Variants in EDN3 observed in about 807,000 individuals in gnomAD.
The protein encoded by EDN3 is endothelin 3, also known as endothelin-3.
In EDN3, 9 loss-of-function variants were observed where a neutral mutation model predicts 21.4. The observed-to-expected ratio is 0.42, with a 90% CI of 0.25 to 0.73. EDN3 has a LOEUF of 0.73. Among genes scored for constraint, EDN3 ranks in the 30% least tolerant of loss-of-function variants. The pLI, the probability that EDN3 is intolerant of heterozygous loss-of-function variation, is 0.26. For missense variants in EDN3, 327 were observed against 309.4 expected, an observed-to-expected ratio of 1.06 and a Z score of -0.43; for synonymous variants, 133 against 126.2, an observed-to-expected ratio of 1.05 and a Z score of -0.36.
At chr20:59,316,767 ACT>A (rs1483445121) in intron 2 of EDN3, among the ~76,000 whole-genome samples, 1 of 152,158 alleles carries the variant, frequency 6.6e-6, no homozygotes, top group Non-Finnish European at 1.5e-5. Flanking sequence ...GATAAAAAAG[ACT>A]CTGTTGTCAC....
chr20:59,318,410 T>C (rs1304251223), intron 2 of EDN3, among the ~76,000 whole-genome samples: 1 of 152,250 alleles, frequency 6.6e-6, no homozygotes, highest in Non-Finnish European at 1.5e-5. Flanking sequence ...ATACAGGAGA[T>C]AACACTTTTT....
At chr20:59,315,885 T>C (rs547762732) in intron 2 of EDN3, among the ~76,000 whole-genome samples, 1 of 152,316 alleles carries the variant, frequency 6.6e-6, no homozygotes, top group East Asian at 1.9e-4. Flanking sequence ...GGGATGTTTA[T>C]GTGAAATTTC....
chr20:59,323,251 G>A (rs1018791041), intron 4 of EDN3, among the ~76,000 whole-genome samples: 2 of 152,122 alleles, frequency 1.3e-5, no homozygotes, highest in Admixed American at 6.5e-5. Context: ...GGGCCGAGGC[G>A]GAAGAGACAG....
rs761106361 is a variant in EDN3, at chr20:59,324,413, C to A, written c.671C>A (p.Ala224Asp). The part of the protein sequence containing the change: ...KLMPGSGLAL[A>D]PSTCPRCLFQ... The stretch of plus-strand genomic sequence containing the variant: ...ATGCCCGGCAGTGGACTCGCCCTCG[C>A]TCCATCTACCTGCCCCCGCTGCCTC... The change falls in exon 5 of 5, where the codon GCT becomes GAT. Residue 224 changes from alanine to aspartate, a missense_variant. Ala to Asp is a moderately radical substitution (Grantham distance 126). Transcript: ENST00000337938. The A allele has an allele frequency of 6.2e-7, 1 of 1,614,212 alleles. No homozygotes were observed. Among genetic ancestry groups the A allele is most frequent in the Admixed American group, 1.7e-5 (1 of 60,028 alleles).
rs1452520706 is a variant in EDN3 at position 59,322,746 on chromosome 20, A to C, written c.588+329A>C. The stretch of plus-strand genomic sequence containing the variant: ...TCACCTGGCCTGGACAAAGCTAGTC[A>C]ACCACCGCTCTCAGAGGCCCTGTAG... On this transcript the variant is annotated intron_variant, in intron 4 of 4. Coordinates refer to ENST00000337938, the MANE Select transcript of EDN3 (RefSeq NM_207034.3). This position sits in a 1 kb window ranked among gnomAD's most constrained non-coding sequence, Gnocchi z 4.1. 6.6e-6 allele frequency among the ~76,000 whole-genome samples: 1 copy of C among 152,106 alleles called. No homozygotes were observed. Among genetic ancestry groups the C allele is most frequent in the Admixed American group, 6.5e-5 (1 of 15,280 alleles).
At chr20:59,302,263 C>A (rs11570262) in intron 2 of EDN3, among the ~76,000 whole-genome samples, 7 of 152,152 alleles carry the variant, frequency 4.6e-5, no homozygotes, top group Admixed American at 2.0e-4. Flanking sequence ...TCCTGTGGGC[C>A]CCCCTGGATG....
chr20:59,311,129 C>T (rs1989776423), intron 2 of EDN3, among the ~76,000 whole-genome samples: 2 of 152,262 alleles, frequency 1.3e-5, no homozygotes, highest in East Asian at 1.9e-4. Flanking sequence ...CCACTTACCT[C>T]ACCTGCCTCA....
At chr20:59,319,388 G>T (rs1990384019) in intron 2 of EDN3, among the ~76,000 whole-genome samples, 1 of 152,136 alleles carries the variant, frequency 6.6e-6, no homozygotes, top group Non-Finnish European at 1.5e-5. Flanking sequence ...TGTTTCAAAT[G>T]AAAAGAAATT....
chr20:59,314,392 A>G (rs1990040566), intron 2 of EDN3, among the ~76,000 whole-genome samples: 1 of 152,158 alleles, frequency 6.6e-6, no homozygotes, highest in Admixed American at 6.5e-5. Flanking sequence ...ACAGAAACCT[A>G]GTCTAGCTGG....
At chr20:59,303,454 C>A (rs552069938) in intron 2 of EDN3, among the ~76,000 whole-genome samples, 1 of 152,224 alleles carries the variant, frequency 6.6e-6, no homozygotes, top group Non-Finnish European at 1.5e-5. Context: ...GGGCACTGGG[C>A]AGTCACCAGG....
chr20:59,301,009 G>A (rs1988971203), intron 1 of EDN3, 145 bp downstream of exon 1: 1 of 1,015,662 alleles, frequency 9.8e-7, no homozygotes, highest in Non-Finnish European at 1.4e-6. Context: ...CCTGGGGGAG[G>A]GCTGGGGAGC....
intron 2 of EDN3, among the ~76,000 whole-genome samples, chr20:59,320,581 C>T (rs541766318): frequency 1.2e-4 from 18 of 152,320 alleles, no homozygotes; most frequent in African/African-American, 2.4e-4. Flanking sequence ...GAACCCGGCC[C>T]GGAGGAGCTA....
intron 1 of EDN3, 76 bp downstream of exon 1, chr20:59,300,940 G>A (rs1988964479): frequency 6.5e-7 from 1 of 1,536,680 alleles, no homozygotes; most frequent in South Asian, 1.2e-5. Context: ...CCCGAGGCGC[G>A]GAGAAGATGT....
intron 2 of EDN3, among the ~76,000 whole-genome samples, chr20:59,319,636 G>T (rs1317589972): frequency 6.7e-6 from 1 of 149,064 alleles, no homozygotes; most frequent in African/African-American, 2.5e-5. Flanking sequence ...TAAGGCAGGA[G>T]AATTGCTTGA....
rs1334084942 is a variant in EDN3, at chr20:59,324,606, C to CA, written c.*147_*148insA. The CA allele has an allele frequency of 1.3e-5, 14 of 1,100,552 alleles. No individual in the cohort carries two copies. The highest frequency in any genetic ancestry group is 2.8e-5 in the South Asian group (2 of 72,450). The allele number at this position is 1,100,552 out of a possible 1,614,324, so 68.2% of individuals were successfully genotyped here. A position where few individuals can be genotyped will look rare whatever the true frequency, so the allele number is the denominator to read the frequency against. On this transcript the variant is annotated 3_prime_UTR_variant, in exon 5 of 5. Transcript: ENST00000337938. Reference sequence around the variant, plus strand: ...AGTCCCCACTTAACAATACCCCCCCCCCACGGCAAGAATGCCCAAATCCGA... The same window carrying CA: ...AGTCCCCACTTAACAATACCCCCCCCACCACGGCAAGAATGCCCAAATCCGA...
chr20:59,308,882 T>C (rs988574282), intron 2 of EDN3, among the ~76,000 whole-genome samples: 2 of 152,180 alleles, frequency 1.3e-5, no homozygotes, highest in Non-Finnish European at 2.9e-5. Context: ...CTGACTCTGA[T>C]CTTAGCTCCT....
At chr20:59,306,610 A>AAAAAAAAAAAAAAAAAAAAAAC (rs1231441853) in intron 2 of EDN3, among the ~76,000 whole-genome samples, 2 of 151,792 alleles carry the variant, frequency 1.3e-5, no homozygotes, top group Non-Finnish European at 1.5e-5. Context: ...AAAAAAAAAA[A>AAAAAAAAAAAAAAAAAAAAAAC]AAAAAAAAAG....
chr20:59,319,681 G>A (rs1265865087), intron 2 of EDN3, among the ~76,000 whole-genome samples: 6 of 148,608 alleles, frequency 4.0e-5, no homozygotes, highest in South Asian at 4.2e-4. Flanking sequence ...AGCCGAGATC[G>A]TGCCATTGCA....
chr20:59,304,451 G>A (rs988445875), intron 2 of EDN3, among the ~76,000 whole-genome samples: 4 of 152,148 alleles, frequency 2.6e-5, no homozygotes, highest in African/African-American at 7.2e-5. Flanking sequence ...CTGTCCCAGC[G>A]GCAGCTGTTC....
Sources: gnomAD v4.1 joint callset for allele counts (sites outside exome capture counted in the v4.1 genomes callset) on GRCh38, gnomAD v4.1.1 for gene constraint, Gnocchi (gnomAD v3.1) non-coding constraint, MANE v1.5 for transcripts, NCBI Gene and HGNC (gene_info 2026-07-23, HGNC 2026-07-21) for gene names.